The following TMEM272 variants were observed in gnomAD, a reference collection of about 807,000 sequenced individuals.
TMEM272 encodes transmembrane protein 272, also known as long intergenic non-protein coding RNA 282.
TMEM272 carries 8 observed loss-of-function variants against 3.7 expected under a neutral mutation model. That is an observed-to-expected ratio of 2.17 (90% CI 1.27 to 3.91). TMEM272 has a LOEUF of 3.91. Among genes scored for constraint, TMEM272 ranks in the 30% most tolerant of loss-of-function variants. The pLI, the probability that TMEM272 is intolerant of heterozygous loss-of-function variation, is 0.00. For synonymous variants in TMEM272, 63 were observed against 39.8 expected (o/e 1.58, Z -2.20); for missense variants, 166 against 91.5 (o/e 1.81, Z -3.32).
At chr13:51,911,326 T>G in the TMEM272 span, among the ~76,000 whole-genome samples, 5 of 152,350 alleles carry the variant, frequency 3.3e-5, no homozygotes, top group Middle Eastern at 6.8e-3. Context: ...CTGCCTAGCA[T>G]GATCCTCAAC....
At chr13:51,901,595 G>A in the TMEM272 span, among the ~76,000 whole-genome samples, 59 of 152,138 alleles carry the variant, frequency 3.9e-4, no homozygotes, top group Non-Finnish European at 6.8e-4. Context: ...AACTACCCCC[G>A]GAGAAGCCTG....
intron 2 of TMEM272, among the ~76,000 whole-genome samples, chr13:51,827,343 G>A (rs560608426): frequency 5.1e-4 from 78 of 152,260 alleles, no homozygotes; most frequent in African/African-American, 1.7e-3. Flanking sequence ...GTTGACATCC[G>A]GAAGCCGTTT....
At chr13:51,872,079 G>A in the TMEM272 span, among the ~76,000 whole-genome samples, 6 of 152,144 alleles carry the variant, frequency 3.9e-5, no homozygotes, top group African/African-American at 1.2e-4. Context: ...CAAGGATCAC[G>A]GGGCACTTTT....
chr13:51,863,598 T>C, the TMEM272 span, among the ~76,000 whole-genome samples: 1 of 151,996 alleles, frequency 6.6e-6, no homozygotes, highest in Admixed American at 6.6e-5. Flanking sequence ...TTCTGGTTTG[T>C]GTGACTGGAT....
the TMEM272 span, among the ~76,000 whole-genome samples, chr13:51,870,244 G>C: frequency 6.6e-6 from 1 of 151,886 alleles, no homozygotes; most frequent in South Asian, 2.1e-4. Context: ...ATATATAAAA[G>C]TTCTTTGGTT....
the TMEM272 span, among the ~76,000 whole-genome samples, chr13:51,873,349 G>A: frequency 1.3e-5 from 2 of 152,152 alleles, no homozygotes; most frequent in South Asian, 2.1e-4. Flanking sequence ...AAATAGCACC[G>A]AATAGTGATC....
At chr13:51,820,956 C>T (rs1956073560) in intron 4 of TMEM272, among the ~76,000 whole-genome samples, 1 of 152,226 alleles carries the variant, frequency 6.6e-6, no homozygotes. Context: ...CAAAAGCCTC[C>T]TAAGGTTTGC....
intron 3 of TMEM272, among the ~76,000 whole-genome samples, chr13:51,824,318 A>C (rs751964188): frequency 1.3e-5 from 2 of 152,244 alleles, no homozygotes; most frequent in Non-Finnish European, 2.9e-5. Context: ...AGTTCAGTTG[A>C]TAACAACTAC....
At position 51,822,136 on chromosome 13, in the gene TMEM272, T is replaced by G. The variant is rs1956085216; in HGVS notation, c.120A>C (p.Gly40=). The G allele has an allele frequency of 1.4e-6, 1 of 697,674 alleles. No homozygotes were observed. The highest frequency in any genetic ancestry group is 2.6e-6 in the Non-Finnish European group (1 of 383,436). 43.2% of individuals were successfully genotyped at this position (697,674 alleles called of 1,614,324 possible). The change falls in exon 4 of 5, where the codon GGA becomes GGC. Residue 40 remains glycine (G), a splice_region_variant and synonymous_variant. Coordinates refer to ENST00000629372, the MANE Select transcript of TMEM272 (RefSeq NM_001351003.2). ...LALPLSMTFI[G]MKFLEDCPIQ... ...TAGGGCAGTCCTCCAAAAATTTCAT[T>G]CCTACATAGGGCAAACAGAAGAGGA...
At chr13:51,919,875 G>C in the TMEM272 span, among the ~76,000 whole-genome samples, 1 of 152,154 alleles carries the variant, frequency 6.6e-6, no homozygotes, top group African/African-American at 2.4e-5. Context: ...AAGAAAGTGA[G>C]TACTTTCATC....
the TMEM272 span, chr13:51,909,728 T>C: frequency 2.6e-6 from 4 of 1,548,284 alleles, no homozygotes; most frequent in South Asian, 1.1e-5. Flanking sequence ...CATCTTTCAA[T>C]TCACTGTTCA....
chr13:51,824,719 G>A lies in TMEM272; in HGVS notation c.118+1847C>T, dbSNP rs562313702. Reference sequence around the variant, plus strand: ...TGTCATCCCAGCGCTTTGGGAGGCCGAGGCGGGCAGATCACTTGAGGTCAG... The same window carrying A: ...TGTCATCCCAGCGCTTTGGGAGGCCAAGGCGGGCAGATCACTTGAGGTCAG... On this transcript the variant is annotated intron_variant, in intron 3 of 4. Coordinates refer to ENST00000629372, the MANE Select transcript of TMEM272 (RefSeq NM_001351003.2). Among the ~76,000 whole-genome samples, 9 of 152,332 alleles carry A rather than the reference G, an allele frequency of 5.9e-5. No individual in the cohort carries two copies. The East Asian group carries it at 9.6e-4, about 16-fold the overall frequency.
chr13:51,840,218 C>G (rs964345706), intron 1 of TMEM272, among the ~76,000 whole-genome samples: 1 of 152,014 alleles, frequency 6.6e-6, no homozygotes, highest in Non-Finnish European at 1.5e-5. Context: ...CCACTTCACC[C>G]CAGAGCAATA....
At chr13:51,855,114 G>A in the TMEM272 span, among the ~76,000 whole-genome samples, 1 of 152,156 alleles carries the variant, frequency 6.6e-6, no homozygotes, top group Non-Finnish European at 1.5e-5. Flanking sequence ...GTGAATGAAA[G>A]GCTGAGAAGT....
At chr13:51,842,822 T>C (rs1956274007) in intron 1 of TMEM272, among the ~76,000 whole-genome samples, 1 of 152,212 alleles carries the variant, frequency 6.6e-6, no homozygotes, top group Non-Finnish European at 1.5e-5. Flanking sequence ...CAAACTATAT[T>C]TCTCTATATC....
chr13:51,916,892 C>T, the TMEM272 span, among the ~76,000 whole-genome samples: 320 of 152,316 alleles, frequency 2.1e-3, 2 homozygotes, highest in South Asian at 4.4e-3. Context: ...CATCATTCTC[C>T]GGCATCATTC....
the TMEM272 span, among the ~76,000 whole-genome samples, chr13:51,851,158 AC>A: frequency 6.6e-6 from 1 of 152,114 alleles, no homozygotes; most frequent in East Asian, 1.9e-4. Context: ...ACACAGCAAG[AC>A]CCTGTCTCTA....
chr13:51,861,475 A>G, the TMEM272 span, among the ~76,000 whole-genome samples: 8,486 of 152,216 alleles, frequency 0.056, 801 homozygotes, highest in African/African-American at 0.19. Flanking sequence ...TTAAAGAGGG[A>G]TTCAACAGCA....
the TMEM272 span, among the ~76,000 whole-genome samples, chr13:51,925,424 G>C: frequency 6.6e-6 from 1 of 152,310 alleles, no homozygotes; most frequent in South Asian, 2.1e-4. Flanking sequence ...TCTTAGAACA[G>C]ATGCTACCAA....
Sources: allele counts gnomAD v4.1 joint callset (sites outside exome capture counted in the v4.1 genomes callset), GRCh38; gene constraint gnomAD v4.1.1; transcripts MANE v1.5; gene names NCBI Gene and HGNC (gene_info 2026-07-23, HGNC 2026-07-21).